TYMS: variants seen among roughly 807,000 people sequenced by gnomAD.
TYMS encodes thymidylate synthetase, also known as thymidylate synthase.
Under a neutral mutation model 39.3 loss-of-function variants are expected in TYMS, and 21 were observed. That is an observed-to-expected ratio of 0.54 (90% CI 0.38 to 0.77). The LOEUF is 0.77. TYMS is among the 30% of genes least tolerant of loss of function. The pLI is 0.00. For synonymous variants in TYMS, 171 were observed against 162.2 expected (o/e 1.05, Z -0.41); for missense variants, 273 against 406.7 (o/e 0.67, Z 2.83).
chr18:666,329 G>A (rs1473115522), intron 3 of TYMS, among the ~76,000 whole-genome samples: 2 of 152,022 alleles, frequency 1.3e-5, no homozygotes, highest in African/African-American at 2.4e-5. Context: ...TTTCGAGGCT[G>A]AGCCACAGCG....
rs1238124959 is a variant in TYMS at position 660,287 on chromosome 18, G to A, written c.279+573G>A. Among the ~76,000 whole-genome samples the A allele has an allele frequency of 6.6e-6, 1 of 152,058 alleles. No homozygotes were observed. The highest frequency in any genetic ancestry group is 6.5e-5 in the Admixed American group (1 of 15,272). On this transcript the variant is annotated intron_variant, in intron 2 of 6. Transcript: ENST00000323274. This position sits in a 1 kb window ranked among gnomAD's most constrained non-coding sequence, Gnocchi z 4.6. ...CTGGAACCTTCTTCCCCCACACTTG[G>A]CTTCTTCCTTTGAGTCTCTACTCCA...
At chr18:667,992 A>ATT (rs60409589) in intron 3 of TYMS, among the ~76,000 whole-genome samples, 7,619 of 105,368 alleles carry the variant, frequency 0.072, 449 homozygotes, top group Admixed American at 0.095. Flanking sequence ...ATTCACAGGA[A>ATT]TTTTTTTTTT....
chr18:666,931 GGT>G lies in TYMS; in HGVS notation c.455-2139_455-2138del, dbSNP rs1308476607. 1.4e-3 allele frequency among the ~76,000 whole-genome samples: 84 copies of G among 60,342 alleles called. 10 individuals carry two copies. Among genetic ancestry groups the G allele is most frequent in the African/African-American group, 3.7e-3 (75 of 20,052 alleles). The allele number at this position is 60,342 out of a possible 152,430, so 39.6% of individuals were successfully genotyped here. On this transcript the variant is annotated intron_variant, in intron 3 of 6. Transcript: ENST00000323274. ...TGGTGATGGTGATGGAGATGGTGAT[GGT>G]GATGGAGATGGTGATGGTGATGGAG...
chr18:657,988 G>A lies in TYMS; in HGVS notation c.205+41G>A, dbSNP rs780884826. On this transcript the variant is annotated intron_variant, in intron 1 of 6. Coordinates refer to ENST00000323274, the MANE Select transcript of TYMS (RefSeq NM_001071.4). The stretch of plus-strand genomic sequence containing the variant: ...CCTGCGGGACGGGTGGCGGGAAGGA[G>A]GGAGGCGCGGCTGGGGAGAGCGCTC... 5 of 1,511,704 alleles carry A rather than the reference G, an allele frequency of 3.3e-6. No homozygotes were observed. In the East Asian group the frequency reaches 1.2e-4, roughly 37 times the overall value. The allele number at this position is 1,511,704 out of a possible 1,614,324, so 93.6% of individuals were successfully genotyped here. A position where few individuals can be genotyped will look rare whatever the true frequency, so the allele number is the denominator to read the frequency against.
At chr18:671,263 C>T in intron 5 of TYMS, 117 bp from the exon 6 acceptor site, 1 of 770,932 alleles carries the variant, frequency 1.3e-6, no homozygotes, top group East Asian at 2.5e-5. Flanking sequence ...GGAAAAGCTA[C>T]ACTAAATTAT....
intron 3 of TYMS, chr18:667,620 T>C (rs570163706): frequency 7.7e-6 from 1 of 129,142 alleles, no homozygotes; most frequent in Non-Finnish European, 1.5e-5. Context: ...TGGAGATGGG[T>C]GATGGTGATG....
chr18:670,605 C>T (rs2074997988), intron 4 of TYMS, 87 bp from the exon 5 acceptor site: 1 of 1,457,356 alleles, frequency 6.9e-7, no homozygotes, highest in Admixed American at 1.8e-5. Flanking sequence ...TATGAGTTGG[C>T]TTCTGTTTCT....
At position 659,641 on chromosome 18, in the gene TYMS, A is replaced by G; in HGVS notation, c.206A>G (p.Asp69Gly). 1.2e-6 allele frequency: 2 copies of G among 1,613,950 alleles called. No homozygotes were observed. Among genetic ancestry groups the G allele is most frequent in the Non-Finnish European group, 8.5e-7 (1 of 1,179,800 alleles). The change falls in exon 2 of 7, where the codon GAT becomes GGT. Residue 69 changes from aspartate to glycine, a missense_variant and splice_region_variant. Asp to Gly is a moderately conservative substitution (Grantham distance 94). This residue lies in a region of TYMS where 228 missense variants were observed against 326.1 expected (regional missense o/e 0.70). Coordinates refer to ENST00000323274, the MANE Select transcript of TYMS (RefSeq NM_001071.4). ...AACCGTATGGCAAATTGTTTTTCAG[A>G]TGAATTCCCTCTGCTGACAACCAAA... ...FGMQARYSLR[D>G]EFPLLTTKRV...
At chr18:667,090 G>C (rs1296436917) in intron 3 of TYMS, among the ~76,000 whole-genome samples, 1 of 61,368 alleles carries the variant, frequency 1.6e-5, no homozygotes, top group Non-Finnish European at 3.0e-5. Context: ...TGGTGATGGT[G>C]ATGGAGATGG....
intron 3 of TYMS, among the ~76,000 whole-genome samples, chr18:664,115 C>T (rs2074783739): frequency 6.6e-6 from 1 of 150,404 alleles, no homozygotes. Context: ...GGCAGTATGG[C>T]CATTTTCACG....
chr18:667,447 GTGATGGTGA>G (rs1163896808), intron 3 of TYMS, among the ~76,000 whole-genome samples: 43 of 1,100 alleles, frequency 0.039, 13 homozygotes, highest in East Asian at 0.14. Context: ...GATGGTGATG[GTGATGGTGA>G]TGATGGAGAT....
At chr18:659,515 T>C in intron 1 of TYMS, 126 bp from the exon 2 acceptor site, 2 of 765,424 alleles carry the variant, frequency 2.6e-6, no homozygotes, top group Non-Finnish European at 2.3e-6. Flanking sequence ...TGGCCCACTT[T>C]GCGGGAGTCT....
chr18:662,184 G>T lies in TYMS; in HGVS notation c.318G>T (p.Val106=), dbSNP rs1343561206. 6.2e-7 allele frequency: 1 copy of T among 1,613,750 alleles called. No individual in the cohort carries two copies. Among genetic ancestry groups the T allele is most frequent in the East Asian group, 2.2e-5 (1 of 44,858 alleles). Residue 106 remains valine (V), a synonymous_variant, in exon 3 of 7, where the codon GTG becomes GTT. Transcript: ENST00000323274. ...CTAAAGAGCTGTCTTCCAAGGGAGTGAAAATCTGGGATGCCAATGGATCCC... is the reference window on the plus strand; with the variant it reads ...CTAAAGAGCTGTCTTCCAAGGGAGTTAAAATCTGGGATGCCAATGGATCCC... ...TNAKELSSKG[V]KIWDANGSRD...
chr18:669,208 C>T (rs1230966552), intron 4 of TYMS, 35 bp downstream of exon 4: 2 of 1,579,108 alleles, frequency 1.3e-6, no homozygotes, highest in Non-Finnish European at 1.7e-6. Flanking sequence ...TTTATACTAA[C>T]CATACTCTTA....
chr18:673,025 T>C lies in TYMS; in HGVS notation c.*28T>C. 6.6e-7 allele frequency: 1 copy of C among 1,520,250 alleles called. No individual in the cohort carries two copies. Among genetic ancestry groups the C allele is most frequent in the Non-Finnish European group, 9.0e-7 (1 of 1,115,762 alleles). 94.2% of individuals were successfully genotyped at this position (1,520,250 alleles called of 1,614,324 possible). On this transcript the variant is annotated 3_prime_UTR_variant, in exon 7 of 7. Coordinates refer to ENST00000323274, the MANE Select transcript of TYMS (RefSeq NM_001071.4). Reference sequence around the variant, plus strand: ...TGCTTTCAAAGGAGCTCGAAGGATATTGTCAGTCTTTAGGGGTTGGGCTGG... The same window carrying C: ...TGCTTTCAAAGGAGCTCGAAGGATACTGTCAGTCTTTAGGGGTTGGGCTGG...
At chr18:667,787 T>C (rs1436736264) in intron 3 of TYMS, 1 of 152,104 alleles carries the variant, frequency 6.6e-6, no homozygotes, top group African/African-American at 2.4e-5. Flanking sequence ...TGCACCTCAG[T>C]TGTAGGGTGT....
chr18:668,465 C>T (rs16948305), intron 3 of TYMS, among the ~76,000 whole-genome samples: 19,104 of 152,128 alleles, frequency 0.13, 1,284 homozygotes, highest in Non-Finnish European at 0.15. Context: ...GAGCAAAGTA[C>T]AAGGTGGTGT....
chr18:667,137 T>TGATGGTGATGGTGATGGA (rs2074853772), intron 3 of TYMS, among the ~76,000 whole-genome samples: 2 of 61,108 alleles, frequency 3.3e-5, no homozygotes, highest in Admixed American at 1.5e-4. Flanking sequence ...ATGGAGATGG[T>TGATGGTGATGGTGATGGA]GATGGTGATG....
At chr18:670,947 A>G in intron 5 of TYMS, 80 bp downstream of exon 5, 4 of 1,505,120 alleles carry the variant, frequency 2.7e-6, no homozygotes, top group Non-Finnish European at 3.6e-6. Flanking sequence ...AACAAATTGC[A>G]GAGTTTAGTC....
Sources: gnomAD v4.1 joint callset for allele counts (sites outside exome capture counted in the v4.1 genomes callset) on GRCh38, gnomAD v4.1.1 for gene constraint, gnomAD v4.1.1 regional missense constraint, Gnocchi (gnomAD v3.1) non-coding constraint, MANE v1.5 for transcripts, NCBI Gene and HGNC (gene_info 2026-07-23, HGNC 2026-07-21) for gene names.